The following RIN3 variants were observed in gnomAD, a reference collection of about 807,000 sequenced individuals.
RIN3 encodes the protein RAB5 interacting protein 3.
Under a neutral mutation model 76.3 loss-of-function variants are expected in RIN3, and 54 were observed. The ratio of observed to expected loss-of-function variants is 0.71; its 90% CI spans 0.57 to 0.89. RIN3 has a LOEUF of 0.89. Among genes scored for constraint, RIN3 ranks in the 40% least tolerant of loss-of-function variants. The pLI is 0.00. For missense variants in RIN3, 1,256 were observed against 1,322.1 expected (o/e 0.95, Z 0.78); for synonymous variants, 576 against 564.0 (o/e 1.02, Z -0.30).
rs1888969887 is a variant in RIN3 at position 92,688,602 on chromosome 14, C to T, written c.*350C>T. On this transcript the variant is annotated 3_prime_UTR_variant, in exon 10 of 10. Transcript: ENST00000216487. ...CCCCATGAGTCCCCCACACCCACCC[C>T]ATCCTCGGTCTTTGCAAAGAAGGGC... The T allele has an allele frequency of 6.5e-6, 2 of 309,436 alleles. No individual in the cohort carries two copies. The highest frequency in any genetic ancestry group is 1.1e-4 in the South Asian group (2 of 17,848). 19.2% of individuals were successfully genotyped at this position (309,436 alleles called of 1,614,324 possible). A position where few individuals can be genotyped will look rare whatever the true frequency, so the allele number is the denominator to read the frequency against.
chr14:92,601,717 T>A (rs1448859221), intron 3 of RIN3, among the ~76,000 whole-genome samples: 2 of 152,160 alleles, frequency 1.3e-5, no homozygotes, highest in African/African-American at 4.8e-5. Flanking sequence ...TGCACCTCTT[T>A]CCAGGGTGGC....
At chr14:92,521,879 C>T (rs113899406) in intron 1 of RIN3, among the ~76,000 whole-genome samples, 6 of 152,152 alleles carry the variant, frequency 3.9e-5, no homozygotes, top group African/African-American at 1.4e-4. Flanking sequence ...AGGGAGGACT[C>T]CTTGACAGAG....
chr14:92,676,072 A>C (rs1037524406), intron 7 of RIN3, among the ~76,000 whole-genome samples: 15 of 151,774 alleles, frequency 9.9e-5, no homozygotes, highest in African/African-American at 3.1e-4. Context: ...CGCAGGTGGG[A>C]GGGAGATGTA....
intron 3 of RIN3, among the ~76,000 whole-genome samples, chr14:92,581,154 C>G (rs1898422428): frequency 6.6e-6 from 1 of 152,166 alleles, no homozygotes; most frequent in Non-Finnish European, 1.5e-5. Context: ...CTCCAAGAAC[C>G]AGAGTCTCTT....
At chr14:92,602,768 T>A (rs1244670485) in intron 3 of RIN3, among the ~76,000 whole-genome samples, 1 of 152,136 alleles carries the variant, frequency 6.6e-6, no homozygotes, top group East Asian at 1.9e-4. Flanking sequence ...GAATCTGGAT[T>A]CCAGAGAGCT....
intron 1 of RIN3, among the ~76,000 whole-genome samples, chr14:92,527,898 C>T: frequency 6.6e-6 from 1 of 152,194 alleles, no homozygotes; most frequent in East Asian, 1.9e-4. Flanking sequence ...CTTCCCCGCT[C>T]AGGCCTGTTT....
intron 4 of RIN3, among the ~76,000 whole-genome samples, chr14:92,619,837 C>T (rs1445302439): frequency 6.6e-6 from 1 of 152,162 alleles, no homozygotes; most frequent in East Asian, 1.9e-4. Context: ...TGGCCAACTC[C>T]GCATGTCCCC....
At chr14:92,567,624 AT>A (rs34729914) in intron 2 of RIN3, among the ~76,000 whole-genome samples, 3,577 of 133,556 alleles carry the variant, frequency 0.027, 118 homozygotes, top group African/African-American at 0.079. Flanking sequence ...CTTCTGCTGC[AT>A]TTTTTTTTTT....
chr14:92,530,969 C>G (rs1489336398), intron 1 of RIN3, among the ~76,000 whole-genome samples: 1 of 152,156 alleles, frequency 6.6e-6, no homozygotes. Context: ...TCCCACCCTA[C>G]AGTCACTGTC....
rs1192141814 is a variant in RIN3, at chr14:92,651,924, G to GCAGCC, written c.887_891dup (p.Pro298SerfsTer43). On this transcript the variant is annotated frameshift_variant, in exon 6 of 10. Transcript: ENST00000216487. LOFTEE classifies it high-confidence loss of function. ...CCCCCAGTGCTGCCCCTGCAGCCCT[G>GCAGCC]CAGCCCAGCCCAGCCCCCTGTGCTC... The GCAGCC allele has an allele frequency of 5.2e-6, 7 of 1,344,178 alleles. No individual in the cohort carries two copies. Among genetic ancestry groups the GCAGCC allele is most frequent in the East Asian group, 3.4e-5 (1 of 29,560 alleles). 83.3% of individuals were successfully genotyped at this position (1,344,178 alleles called of 1,614,324 possible).
intron 1 of RIN3, among the ~76,000 whole-genome samples, chr14:92,538,112 A>C (rs1897049531): frequency 6.6e-6 from 1 of 152,072 alleles, no homozygotes; most frequent in Non-Finnish European, 1.5e-5. Context: ...GGCTTGAGCC[A>C]CCACACCCGG....
intron 6 of RIN3, among the ~76,000 whole-genome samples, chr14:92,658,235 G>A (rs1456977736): frequency 1.3e-5 from 2 of 152,226 alleles, no homozygotes; most frequent in African/African-American, 4.8e-5. Flanking sequence ...TCCAAGAGCT[G>A]ATCGGGAATG....
chr14:92,595,993 C>T (rs1885137962), intron 3 of RIN3, among the ~76,000 whole-genome samples: 1 of 152,210 alleles, frequency 6.6e-6, no homozygotes, highest in Admixed American at 6.5e-5. Flanking sequence ...TTTTCTGTGT[C>T]TCTTTGTGTC....
At chr14:92,611,979 G>C (rs1429434217) in intron 3 of RIN3, among the ~76,000 whole-genome samples, 1 of 152,132 alleles carries the variant, frequency 6.6e-6, no homozygotes, top group East Asian at 1.9e-4. Flanking sequence ...AGAGCAAGGT[G>C]GGGGGCAGGG....
At position 92,688,601 on chromosome 14, in the gene RIN3, C is replaced by CCAT. The variant is rs1290259772; in HGVS notation, c.*351_*353dup. On this transcript the variant is annotated 3_prime_UTR_variant, in exon 10 of 10. Coordinates refer to ENST00000216487, the MANE Select transcript of RIN3 (RefSeq NM_024832.5). ...TCCCCATGAGTCCCCCACACCCACC[C>CCAT]CATCCTCGGTCTTTGCAAAGAAGGG... The CCAT allele has an allele frequency of 3.2e-6, 1 of 314,990 alleles. No homozygotes were observed. The highest frequency in any genetic ancestry group is 5.9e-6 in the Non-Finnish European group (1 of 169,918). The allele number at this position is 314,990 out of a possible 1,614,324, so 19.5% of individuals were successfully genotyped here. A position where few individuals can be genotyped will look rare whatever the true frequency, so the allele number is the denominator to read the frequency against.
At chr14:92,650,015 C>A (rs976164540) in intron 5 of RIN3, among the ~76,000 whole-genome samples, 2 of 152,206 alleles carry the variant, frequency 1.3e-5, no homozygotes, top group Admixed American at 1.3e-4. Context: ...ATGGCAAATG[C>A]CTACATCCCT....
chr14:92,560,436 G>C (rs888501030), intron 2 of RIN3, among the ~76,000 whole-genome samples: 1 of 152,118 alleles, frequency 6.6e-6, no homozygotes. Flanking sequence ...TCAAGCATAA[G>C]GAAGGGCCTG....
At chr14:92,592,682 T>G (rs1885025239) in intron 3 of RIN3, among the ~76,000 whole-genome samples, 1 of 111,768 alleles carries the variant, frequency 8.9e-6, no homozygotes, top group Non-Finnish European at 2.0e-5. Flanking sequence ...TTATTATTAT[T>G]ATTATTATTG....
At position 92,659,415 on chromosome 14, in the gene RIN3, A is replaced by G; in HGVS notation, c.2281A>G (p.Ile761Val). The G allele has an allele frequency of 6.2e-7, 1 of 1,613,362 alleles. No homozygotes were observed. Among genetic ancestry groups the G allele is most frequent in the Non-Finnish European group, 8.5e-7 (1 of 1,179,564 alleles). Residue 761 changes from isoleucine to valine, a missense_variant, in exon 7 of 10, where the codon ATC (isoleucine) becomes GTC (valine). This residue lies in a region of RIN3 where 428 missense variants were observed against 521.2 expected (regional missense o/e 0.82). Transcript: ENST00000216487. ...CTACTCACCTGAGAAGAAGATCTCCATCCTGCTCAAGACCTGCAAACTCAT... is the reference window on the plus strand; with the variant it reads ...CTACTCACCTGAGAAGAAGATCTCCGTCCTGCTCAAGACCTGCAAACTCAT... ...KAYSPEKKISILLKTCKLIYD... is the reference protein window; with the variant it reads ...KAYSPEKKISVLLKTCKLIYD...
Sources: allele counts gnomAD v4.1 joint callset (sites outside exome capture counted in the v4.1 genomes callset), GRCh38; gene constraint gnomAD v4.1.1; regional missense constraint gnomAD v4.1.1; transcripts MANE v1.5; gene names NCBI Gene and HGNC (gene_info 2026-07-23, HGNC 2026-07-21).